The following C9orf72 variants were observed in gnomAD, a reference collection of about 807,000 sequenced individuals.
C9orf72 encodes the protein C9orf72-SMCR8 complex subunit, also known as guanine nucleotide exchange factor C9orf72.
In C9orf72, 44 loss-of-function variants were observed where a neutral mutation model predicts 51.6. The ratio of observed to expected loss-of-function variants is 0.85; its 90% CI spans 0.67 to 1.10. C9orf72 has a LOEUF of 1.10. Ranked by LOEUF, C9orf72 falls within the 50% of genes least tolerant of loss-of-function variation. C9orf72 has a pLI of 0.00. For synonymous variants in C9orf72, 213 were observed against 194.2 expected (o/e 1.10, Z -0.81); for missense variants, 607 against 570.6 (o/e 1.06, Z -0.65).
Position 27,548,122 on chromosome 9 carries a change from C to A in C9orf72, c.*114G>T. Reference sequence around the variant, plus strand: ...AACTGTAGTGTAACTTACTTAACTGCAATTGCTGAGAGCAGAATTCTGGAG... The same window carrying A: ...AACTGTAGTGTAACTTACTTAACTGAAATTGCTGAGAGCAGAATTCTGGAG... On this transcript the variant is annotated 3_prime_UTR_variant, in exon 11 of 11. Coordinates refer to ENST00000380003, the MANE Select transcript of C9orf72 (RefSeq NM_018325.5). The A allele has an allele frequency of 1.4e-6, 1 of 703,940 alleles. No individual in the cohort carries two copies. The highest frequency in any genetic ancestry group is 2.3e-6 in the Non-Finnish European group (1 of 440,666). 43.6% of individuals were successfully genotyped at this position (703,940 alleles called of 1,614,324 possible). A position where few individuals can be genotyped will look rare whatever the true frequency, so the allele number is the denominator to read the frequency against.
chr9:27,560,398 T>C (rs367742692), intron 5 of C9orf72, 99 bp from the exon 6 acceptor site: 4 of 836,902 alleles, frequency 4.8e-6, no homozygotes, highest in Non-Finnish European at 7.4e-6. Flanking sequence ...TAACTCAGAA[T>C]AGCTTTATAT....
At chr9:27,565,495 G>C in intron 3 of C9orf72, 36 bp downstream of exon 3, 3 of 1,390,428 alleles carry the variant, frequency 2.2e-6, no homozygotes, top group Non-Finnish European at 2.0e-6. Flanking sequence ...TACATGCTGT[G>C]AGAAAAACAT....
intron 1 of C9orf72, among the ~76,000 whole-genome samples, chr9:27,572,790 A>G (rs1325245337): frequency 6.6e-6 from 1 of 152,218 alleles, no homozygotes; most frequent in African/African-American, 2.4e-5. Context: ...TGCCCAAGTC[A>G]CAATAGTCAC....
intron 1 of C9orf72, among the ~76,000 whole-genome samples, chr9:27,570,300 G>A (rs2131548707): frequency 6.6e-6 from 1 of 152,192 alleles, no homozygotes; most frequent in Middle Eastern, 3.4e-3. Flanking sequence ...ACAGCAAACT[G>A]GAGGCCAACA....
rs774015166 is a variant in C9orf72, at chr9:27,558,533, T to C, written c.813A>G (p.Ser271=). The part of the protein sequence containing the change: ...KCSRLCEAES[S]FKYESGLFVQ... ...CAAAGAGCCCTGACTCATATTTAAA[T>C]GATGATTCTGCTTCACATAACCTGG... Residue 271 remains serine (S), a synonymous_variant, in exon 7 of 11, where the codon TCA becomes TCG. Coordinates refer to ENST00000380003, the MANE Select transcript of C9orf72 (RefSeq NM_018325.5). 1.2e-6 allele frequency: 2 copies of C among 1,608,510 alleles called. No individual in the cohort carries two copies. Among genetic ancestry groups the C allele is most frequent in the Admixed American group, 3.4e-5 (2 of 59,484 alleles).
At position 27,565,993 on chromosome 9, in the gene C9orf72, T is replaced by A. The variant is rs536302721; in HGVS notation, c.445-403A>T. ...CAAACATAGTAAAAAATTATTCTTT[T>A]AAAAGATATTATTTTTCCTTACTAT... On this transcript the variant is annotated intron_variant, in intron 2 of 10. Coordinates refer to ENST00000380003, the MANE Select transcript of C9orf72 (RefSeq NM_018325.5). 3.3e-5 allele frequency among the ~76,000 whole-genome samples: 5 copies of A among 152,278 alleles called. No individual in the cohort carries two copies. In the South Asian group the frequency reaches 1.0e-3, roughly 32 times the overall value.
At position 27,557,353 on chromosome 9, in the gene C9orf72, TG is replaced by T. The variant is rs1164021376; in HGVS notation, c.856-558del. ...AATCAGTTGGGGTAGCCAGTTACCA[TG>T]TAATAATAACCTACTGCGTATGAGG... On this transcript the variant is annotated intron_variant, in intron 7 of 10. Coordinates refer to ENST00000380003, the MANE Select transcript of C9orf72 (RefSeq NM_018325.5). Among the ~76,000 whole-genome samples, 4 of 152,146 alleles carry T rather than the reference TG, an allele frequency of 2.6e-5. No homozygotes were observed. In the East Asian group the frequency reaches 7.7e-4, roughly 29 times the overall value.
chr9:27,566,609 T>C, intron 2 of C9orf72, 68 bp downstream of exon 2: 1 of 1,110,886 alleles, frequency 9.0e-7, no homozygotes, highest in Non-Finnish European at 1.3e-6. Context: ...AAATAAGATT[T>C]ATATGTACCA....
At chr9:27,551,226 C>G (rs1820900408) in intron 8 of C9orf72, among the ~76,000 whole-genome samples, 1 of 152,146 alleles carries the variant, frequency 6.6e-6, no homozygotes, top group Non-Finnish European at 1.5e-5. Flanking sequence ...CTCAACAAGC[C>G]CACCATCTGT....
chr9:27,573,523 C>CGCCCCCGGCCCCGGCCCCGGCCCCG (rs1554662381), upstream of C9orf72: 1 of 142,348 alleles, frequency 7.0e-6, no homozygotes, highest in South Asian at 1.9e-4. Flanking sequence ...GCCCCGACCA[C>CGCCCCCGGCCCCGGCCCCGGCCCCG]GCCCCGGCCC....
chr9:27,568,512 A>C (rs1187476470), intron 1 of C9orf72, among the ~76,000 whole-genome samples: 1 of 152,006 alleles, frequency 6.6e-6, no homozygotes, highest in Non-Finnish European at 1.5e-5. Context: ...TAAACATACC[A>C]CTCTAAAAAG....
Position 27,550,689 on chromosome 9 carries a change from G to C in C9orf72, c.1110C>G (p.Val370=). 6.3e-7 allele frequency: 1 copy of C among 1,584,886 alleles called. No homozygotes were observed. The highest frequency in any genetic ancestry group is 8.6e-7 in the Non-Finnish European group (1 of 1,162,200). ...CTTTCACTAGAGTGTCTCTGTGTAA[G>C]ACATCTTGAAAAATATTCCTGAAGA... ...FTPDLNIFQD[V]LHRDTLVKAF... is the part of the protein sequence containing the mutation. Residue 370 remains valine, a synonymous_variant, in exon 9 of 11, where the codon GTC becomes GTG. Coordinates refer to ENST00000380003, the MANE Select transcript of C9orf72 (RefSeq NM_018325.5).
chr9:27,560,877 T>C, intron 5 of C9orf72: 1 of 628,264 alleles, frequency 1.6e-6, no homozygotes, highest in Non-Finnish European at 2.0e-6. Context: ...AGATAATACA[T>C]GTAAAGCAAC....
rs3739526 is a variant in C9orf72 at position 27,547,315 on chromosome 9, G to T, written c.*921C>A. The T allele has an allele frequency of 0.19, 28,976 of 152,542 alleles. 3,023 individuals are homozygous for T. The highest frequency in any genetic ancestry group is 0.3 in the East Asian group (1,549 of 5,168). The allele number at this position is 152,542 out of a possible 1,614,324, so 9.4% of individuals were successfully genotyped here. The stretch of plus-strand genomic sequence containing the variant: ...CTCTAAGGCATTTTATAATCTCAGA[G>T]TTGCAATGATTGCCAAAGCAGGTAC... On this transcript the variant is annotated 3_prime_UTR_variant, in exon 11 of 11. Coordinates refer to ENST00000380003, the MANE Select transcript of C9orf72 (RefSeq NM_018325.5).
intron 8 of C9orf72, among the ~76,000 whole-genome samples, chr9:27,551,010 A>G (rs941511261): frequency 2.0e-5 from 3 of 152,170 alleles, no homozygotes; most frequent in Non-Finnish European, 2.9e-5. Context: ...AATCTATTTT[A>G]CTACTCTCAT....
At chr9:27,560,178 C>T (rs1819303902) in intron 6 of C9orf72, 49 bp downstream of exon 6, 1 of 1,208,564 alleles carries the variant, frequency 8.3e-7, no homozygotes, top group Non-Finnish European at 1.2e-6. Context: ...CATGATATAT[C>T]ATCAGTCTTA....
chr9:27,559,285 AC>A (rs1018755457), intron 6 of C9orf72: 3 of 150,990 alleles, frequency 2.0e-5, no homozygotes, highest in African/African-American at 7.3e-5. Flanking sequence ...AAAAAAAAAA[AC>A]ACTCCAACTA....
Position 27,560,301 on chromosome 9 carries a change from T to C in C9orf72, c.666-2A>G, listed in dbSNP as rs1028522516. The C allele has an allele frequency of 6.2e-7, 1 of 1,606,818 alleles. No homozygotes were observed. Among genetic ancestry groups the C allele is most frequent in the East Asian group, 2.2e-5 (1 of 44,706 alleles). ...GTTTGCAAGTGTGAGCTGATGGCAC[T>C]GTAAGTTAAAGAAAACAGATTAAAA... On this transcript the variant is annotated splice_acceptor_variant, in intron 5 of 10. Coordinates refer to ENST00000380003, the MANE Select transcript of C9orf72 (RefSeq NM_018325.5). LOFTEE classifies it high-confidence loss of function.
At chr9:27,573,153 C>G (rs1406904479) in intron 1 of C9orf72, among the ~76,000 whole-genome samples, 1 of 152,172 alleles carries the variant, frequency 6.6e-6, no homozygotes, top group Admixed American at 6.5e-5. Flanking sequence ...GGAGACAGCT[C>G]GGGTACTGAG....
Sources: allele counts gnomAD v4.1 joint callset (sites outside exome capture counted in the v4.1 genomes callset), GRCh38; gene constraint gnomAD v4.1.1; transcripts MANE v1.5; gene names NCBI Gene and HGNC (gene_info 2026-07-23, HGNC 2026-07-21).